TBC1D32: variants seen among roughly 807,000 people sequenced by gnomAD.
TBC1D32 encodes protein broad-minded.
TBC1D32 carries 151 observed loss-of-function variants against 170.3 expected under a neutral mutation model. The ratio of observed to expected loss-of-function variants is 0.89; its 90% CI spans 0.78 to 1.01. TBC1D32 has a LOEUF of 1.01. TBC1D32 is among the 50% of genes least tolerant of loss of function. TBC1D32 has a pLI of 0.00. For missense variants in TBC1D32, 1,464 were observed against 1,457.1 expected (o/e 1.00, Z -0.08); for synonymous variants, 498 against 488.0 (o/e 1.02, Z -0.27).
intron 15 of TBC1D32, among the ~76,000 whole-genome samples, chr6:121,261,994 A>AG (rs139202569): frequency 0.014 from 2,075 of 152,322 alleles, 35 homozygotes; most frequent in African/African-American, 0.04. Context: ...ATCATACACA[A>AG]GAATCAATAG....
chr6:121,268,402 C>T (rs150931302), intron 15 of TBC1D32, among the ~76,000 whole-genome samples: 5,004 of 152,162 alleles, frequency 0.033, 197 homozygotes, highest in East Asian at 0.12. Context: ...ATAAACAGCA[C>T]AGAGAAGATC....
rs1254900614 is a variant in TBC1D32, at chr6:121,188,620, T to TC, written c.2570+16454dup. Reference sequence around the variant, plus strand: ...ATTTTTAAAACCTGGAGATGAATCCTCCCCCCAACAAAAACAAAACAAAAT... The same window carrying TC: ...ATTTTTAAAACCTGGAGATGAATCCTCCCCCCCAACAAAAACAAAACAAAAT... On this transcript the variant is annotated intron_variant, in intron 22 of 31. Coordinates refer to ENST00000398212, the MANE Select transcript of TBC1D32 (RefSeq NM_152730.6). Among the ~76,000 whole-genome samples, 15 of 151,852 alleles carry TC rather than the reference T, an allele frequency of 9.9e-5. No individual in the cohort carries two copies. The East Asian group carries it at 2.9e-3, about 29-fold the overall frequency.
At chr6:121,081,030 T>A (rs557955701) in intron 31 of TBC1D32, 140 bp from the exon 32 acceptor site, 8 of 887,810 alleles carry the variant, frequency 9.0e-6, no homozygotes, top group Non-Finnish European at 1.0e-5. Flanking sequence ...AAATGTGTCA[T>A]TGCTTTTTAT....
intron 22 of TBC1D32, among the ~76,000 whole-genome samples, chr6:121,183,755 G>A (rs756026976): frequency 6.6e-6 from 1 of 151,988 alleles, no homozygotes; most frequent in Non-Finnish European, 1.5e-5. Context: ...TGAACTGTAT[G>A]TATACCCATT....
At chr6:121,190,413 C>CA (rs1310365952) in intron 22 of TBC1D32, among the ~76,000 whole-genome samples, 1 of 145,966 alleles carries the variant, frequency 6.9e-6, no homozygotes, top group Non-Finnish European at 1.5e-5. Context: ...CACACACATC[C>CA]ACTCTCTCTA....
At chr6:121,259,788 T>C (rs182476007) in intron 15 of TBC1D32, among the ~76,000 whole-genome samples, 54 of 152,266 alleles carry the variant, frequency 3.5e-4, no homozygotes, top group African/African-American at 1.3e-3. Context: ...TATCTCTAAA[T>C]TGGGGGGTAA....
At chr6:121,082,637 T>A (rs2128166566) in intron 31 of TBC1D32, among the ~76,000 whole-genome samples, 1 of 152,170 alleles carries the variant, frequency 6.6e-6, no homozygotes, top group East Asian at 1.9e-4. Flanking sequence ...AACAAAGCTC[T>A]AATAATTCAT....
At chr6:121,233,104 C>T (rs1481175387) in intron 20 of TBC1D32, among the ~76,000 whole-genome samples, 1 of 152,002 alleles carries the variant, frequency 6.6e-6, no homozygotes. Flanking sequence ...CTTAAATTTA[C>T]TGAGACTTGT....
intron 17 of TBC1D32, among the ~76,000 whole-genome samples, chr6:121,251,871 C>T (rs539089630): frequency 1.8e-4 from 27 of 152,142 alleles, no homozygotes; most frequent in Non-Finnish European, 2.1e-4. Flanking sequence ...AAAAACAACC[C>T]CATCAAAAAG....
chr6:121,230,487 G>A (rs1393353161), intron 20 of TBC1D32, among the ~76,000 whole-genome samples: 2 of 152,104 alleles, frequency 1.3e-5, no homozygotes, highest in African/African-American at 2.4e-5. Flanking sequence ...TTATAGTTCA[G>A]TACAGACAGT....
intron 15 of TBC1D32, among the ~76,000 whole-genome samples, chr6:121,258,452 GT>G (rs966456914): frequency 6.8e-6 from 1 of 145,998 alleles, no homozygotes; most frequent in African/African-American, 2.5e-5. Context: ...TCTGTTTTTT[GT>G]TTTTTGTTTT....
intron 31 of TBC1D32, 99 bp from the exon 32 acceptor site, chr6:121,080,989 A>G: frequency 1.4e-6 from 2 of 1,431,934 alleles, no homozygotes; most frequent in African/African-American, 1.4e-5. Flanking sequence ...ATTTTCAGCT[A>G]TAGATGGGGT....
chr6:121,114,875 G>C (rs1779536294), intron 27 of TBC1D32, among the ~76,000 whole-genome samples: 1 of 152,148 alleles, frequency 6.6e-6, no homozygotes, highest in Admixed American at 6.5e-5. Context: ...TAGTATGACT[G>C]TGTTACCAAC....
chr6:121,088,227 T>A (rs890623859), intron 31 of TBC1D32, among the ~76,000 whole-genome samples: 3 of 152,126 alleles, frequency 2.0e-5, no homozygotes, highest in Non-Finnish European at 4.4e-5. Context: ...GATATGGGGA[T>A]TACACGTGTG....
At chr6:121,213,486 AAAT>A in intron 21 of TBC1D32, among the ~76,000 whole-genome samples, 3 of 3,976 alleles carry the variant, frequency 7.5e-4, no homozygotes, top group African/African-American at 1.3e-3. Flanking sequence ...AAATAAAATA[AAAT>A]AAAATAAAAT....
intron 10 of TBC1D32, among the ~76,000 whole-genome samples, chr6:121,296,361 CT>C (rs1805643966): frequency 6.6e-6 from 1 of 152,116 alleles, no homozygotes; most frequent in African/African-American, 2.4e-5. Context: ...CTTGGGGACC[CT>C]CCCCCTCCCA....
intron 24 of TBC1D32, 48 bp downstream of exon 24, chr6:121,159,962 T>A: frequency 7.5e-7 from 1 of 1,334,818 alleles, no homozygotes; most frequent in Non-Finnish European, 1.1e-6. Flanking sequence ...TTTCAAATTA[T>A]AACAAAAGCT....
At chr6:121,212,288 A>G in intron 21 of TBC1D32, among the ~76,000 whole-genome samples, 1 of 152,156 alleles carries the variant, frequency 6.6e-6, no homozygotes, top group East Asian at 1.9e-4. Context: ...GAATTCTACC[A>G]GATGTACAAA....
At chr6:121,214,091 T>C (rs536797707) in intron 21 of TBC1D32, among the ~76,000 whole-genome samples, 2 of 152,196 alleles carry the variant, frequency 1.3e-5, no homozygotes, top group African/African-American at 4.8e-5. Flanking sequence ...AAGCAGAAAA[T>C]TGAAACTGGA....
Sources: allele counts gnomAD v4.1 joint callset (sites outside exome capture counted in the v4.1 genomes callset), GRCh38; gene constraint gnomAD v4.1.1; transcripts MANE v1.5; gene names NCBI Gene and HGNC (gene_info 2026-07-23, HGNC 2026-07-21).